RORA: variants seen among roughly 807,000 people sequenced by gnomAD.
The protein encoded by RORA is nuclear receptor ROR-alpha.
A neutral mutation model predicts 69.5 loss-of-function variants in RORA; 7 were observed. The observed-to-expected ratio is 0.10, with a 90% CI of 0.06 to 0.19. The LOEUF (loss-of-function observed/expected upper bound fraction) is 0.19. RORA is among the 10% of genes least tolerant of loss of function. RORA has a pLI of 1.00. For synonymous variants in RORA, 261 were observed against 240.8 expected, an observed-to-expected ratio of 1.08 and a Z score of -0.78; for missense variants, 457 against 663.0, an observed-to-expected ratio of 0.69 and a Z score of 3.41.
chr15:60,641,353 A>G (rs2069941355), intron 2 of RORA, among the ~76,000 whole-genome samples: 1 of 152,192 alleles, frequency 6.6e-6, no homozygotes, highest in African/African-American at 2.4e-5. Flanking sequence ...AATACGTATA[A>G]TGGGATAAAA....
intron 1 of RORA, among the ~76,000 whole-genome samples, chr15:60,959,186 C>T (rs545867500): frequency 6.6e-6 from 1 of 152,236 alleles, no homozygotes; most frequent in Admixed American, 6.5e-5. Context: ...GTTTCTTTTC[C>T]TTGCTTTTAT....
At chr15:60,908,408 C>A (rs1459486542) in intron 1 of RORA, among the ~76,000 whole-genome samples, 1 of 152,184 alleles carries the variant, frequency 6.6e-6, no homozygotes. Context: ...CCCTATTTTC[C>A]CCCCTCCATG....
intron 1 of RORA, among the ~76,000 whole-genome samples, chr15:61,146,675 A>G (rs563225640): frequency 6.6e-6 from 1 of 152,340 alleles, no homozygotes; most frequent in Admixed American, 6.5e-5. Flanking sequence ...TCTGCCTAAG[A>G]AAAGCAACAA....
At chr15:61,192,122 A>T (rs2079805916) in intron 1 of RORA, among the ~76,000 whole-genome samples, 1 of 152,250 alleles carries the variant, frequency 6.6e-6, no homozygotes, top group South Asian at 2.1e-4. Flanking sequence ...GTGCTATTTA[A>T]GTAAGTGCCA....
chr15:60,954,424 C>G (rs567758211), intron 1 of RORA, among the ~76,000 whole-genome samples: 2 of 143,172 alleles, frequency 1.4e-5, no homozygotes, highest in South Asian at 2.3e-4. Context: ...CACATGTACC[C>G]TAAAACTTAA....
At position 60,864,353 on chromosome 15, in the gene RORA, T is replaced by G. The variant is rs2073463467; in HGVS notation, c.167-185667A>C. ...AATATTCTTTTTAAAACCCATTTATTGCCCAAGATAAACTTAAGGGTAGTG... is the reference window on the plus strand; with the variant it reads ...AATATTCTTTTTAAAACCCATTTATGGCCCAAGATAAACTTAAGGGTAGTG... On this transcript the variant is annotated intron_variant, in intron 1 of 10. Transcript: ENST00000335670. Among the ~76,000 whole-genome samples, 4 of 152,238 alleles carry G rather than the reference T, an allele frequency of 2.6e-5. No individual in the cohort carries two copies. In the South Asian group the frequency reaches 8.3e-4, roughly 32 times the overall value.
chr15:60,592,432 G>A (rs1354882989), intron 2 of RORA: 3 of 1,428,648 alleles, frequency 2.1e-6, no homozygotes, highest in African/African-American at 1.5e-5. Flanking sequence ...GCCGCGGTGC[G>A]GAGAGCGCAG....
chr15:60,518,821 G>A (rs955815937), intron 3 of RORA, among the ~76,000 whole-genome samples: 1 of 151,606 alleles, frequency 6.6e-6, no homozygotes, highest in African/African-American at 2.4e-5. Flanking sequence ...TTCCCCATGT[G>A]TCCCCTGTAT....
At chr15:60,989,700 C>T (rs1423140407) in intron 1 of RORA, among the ~76,000 whole-genome samples, 1 of 152,154 alleles carries the variant, frequency 6.6e-6, no homozygotes, top group Non-Finnish European at 1.5e-5. Context: ...TCCAAAACCA[C>T]TTTTTTTACT....
chr15:60,825,890 ACT>A (rs1209050723), intron 1 of RORA, among the ~76,000 whole-genome samples: 1 of 150,390 alleles, frequency 6.6e-6, no homozygotes, highest in Admixed American at 6.6e-5. Flanking sequence ...TTACTGAAAA[ACT>A]CTCTCCCCTT....
At chr15:60,844,121 C>A (rs770738484) in intron 1 of RORA, among the ~76,000 whole-genome samples, 16 of 152,188 alleles carry the variant, frequency 1.1e-4, no homozygotes, top group Admixed American at 2.6e-4. Context: ...GCTCTTCTCT[C>A]CTAGTCCCCT....
intron 1 of RORA, among the ~76,000 whole-genome samples, chr15:60,769,013 C>T (rs1473785682): frequency 1.3e-5 from 2 of 152,134 alleles, no homozygotes; most frequent in East Asian, 1.9e-4. Context: ...TGTGAAACTT[C>T]GGTCAACATC....
intron 1 of RORA, chr15:61,211,938 T>G (rs2079995783): frequency 6.6e-6 from 1 of 152,184 alleles, no homozygotes; most frequent in Non-Finnish European, 1.5e-5. Flanking sequence ...CACCCAGTCA[T>G]AACCAAGGTC....
intron 1 of RORA, among the ~76,000 whole-genome samples, chr15:60,873,009 C>T (rs1239672770): frequency 6.6e-6 from 1 of 152,062 alleles, no homozygotes; most frequent in African/African-American, 2.4e-5. Context: ...TCCCTCTTTC[C>T]TCTTCTCCTT....
chr15:60,511,157 G>C lies in RORA; in HGVS notation c.820+69C>G. 2 of 1,498,722 alleles carry C rather than the reference G, an allele frequency of 1.3e-6. No homozygotes were observed. Among genetic ancestry groups the C allele is most frequent in the Non-Finnish European group, 1.8e-6 (2 of 1,108,650 alleles). 92.8% of individuals were successfully genotyped at this position (1,498,722 alleles called of 1,614,324 possible). A position where few individuals can be genotyped will look rare whatever the true frequency, so the allele number is the denominator to read the frequency against. On this transcript the variant is annotated intron_variant, in intron 5 of 10. Coordinates refer to ENST00000335670, the MANE Select transcript of RORA (RefSeq NM_134261.3). This position sits in a 1 kb window ranked among gnomAD's most constrained non-coding sequence, Gnocchi z 6.4. Reference sequence around the variant, plus strand: ...ATTTAGCAGAACTCATTAGAGGAAAGTCAGACATACCCCTTTTACTTCAAA... The same window carrying C: ...ATTTAGCAGAACTCATTAGAGGAAACTCAGACATACCCCTTTTACTTCAAA...
At chr15:60,703,654 A>G (rs532655013) in intron 1 of RORA, among the ~76,000 whole-genome samples, 18 of 152,270 alleles carry the variant, frequency 1.2e-4, no homozygotes, top group African/African-American at 3.9e-4. Context: ...TGCCACCCTA[A>G]CATTTTCTCT....
At chr15:60,624,082 T>C (rs974549758) in intron 2 of RORA, among the ~76,000 whole-genome samples, 1 of 152,068 alleles carries the variant, frequency 6.6e-6, no homozygotes, top group Non-Finnish European at 1.5e-5. Flanking sequence ...AAATACTCTA[T>C]AGGACAATTA....
At chr15:61,048,006 T>A (rs563480380) in intron 1 of RORA, among the ~76,000 whole-genome samples, 1 of 152,296 alleles carries the variant, frequency 6.6e-6, no homozygotes, top group South Asian at 2.1e-4. Flanking sequence ...TTTATGTAAG[T>A]AAGCATTTAG....
intron 1 of RORA, among the ~76,000 whole-genome samples, chr15:61,069,503 G>A (rs1341981240): frequency 4.6e-5 from 7 of 152,192 alleles, no homozygotes; most frequent in Non-Finnish European, 1.0e-4. Flanking sequence ...CAGGGAAAGA[G>A]GAAGGGGCGA....
Sources: gnomAD v4.1 joint callset for allele counts (sites outside exome capture counted in the v4.1 genomes callset) on GRCh38, gnomAD v4.1.1 for gene constraint, Gnocchi (gnomAD v3.1) non-coding constraint, MANE v1.5 for transcripts, NCBI Gene and HGNC (gene_info 2026-07-23, HGNC 2026-07-21) for gene names.